Variants in R3HDM2 observed in about 807,000 individuals in gnomAD.
R3HDM2 encodes R3H domain containing 2.
R3HDM2 carries 38 observed loss-of-function variants against 124.5 expected under a neutral mutation model. The observed-to-expected ratio is 0.31, with a 90% CI of 0.24 to 0.40. R3HDM2 has a LOEUF of 0.40. Ranked by LOEUF, R3HDM2 falls within the 10% of genes least tolerant of loss-of-function variation. The probability of loss-of-function intolerance (pLI) is 1.00; values close to 1 mark genes in which losing one functional copy is unlikely to be tolerated. For synonymous variants in R3HDM2, 391 were observed against 448.0 expected, an observed-to-expected ratio of 0.87 and a Z score of 1.61; for missense variants, 869 against 1,236.9, an observed-to-expected ratio of 0.70 and a Z score of 4.46.
chr12:57,380,410 G>C (rs1455867506), intron 2 of R3HDM2, among the ~76,000 whole-genome samples: 2 of 152,160 alleles, frequency 1.3e-5, no homozygotes, highest in Non-Finnish European at 2.9e-5. Flanking sequence ...CTTGCAGGTA[G>C]ACAGAATGAT....
chr12:57,305,046 G>T (rs763094534), intron 3 of R3HDM2, among the ~76,000 whole-genome samples: 2 of 152,098 alleles, frequency 1.3e-5, no homozygotes, highest in African/African-American at 4.8e-5. Context: ...TTAGCCAGGC[G>T]TGGTGGTGGG....
chr12:57,255,913 C>A (rs2038837779), intron 23 of R3HDM2, 77 bp downstream of exon 23: 19 of 1,324,670 alleles, frequency 1.4e-5, no homozygotes, highest in South Asian at 1.4e-5. Context: ...CTGGCTTTTC[C>A]CACCCATGCT....
chr12:57,407,701 A>G (rs1284651730), intron 1 of R3HDM2, among the ~76,000 whole-genome samples: 2 of 151,938 alleles, frequency 1.3e-5, no homozygotes, highest in Non-Finnish European at 2.9e-5. Context: ...CACCACACCC[A>G]GCCTGGAATT....
intron 1 of R3HDM2, among the ~76,000 whole-genome samples, chr12:57,403,275 C>T (rs1056748718): frequency 5.9e-5 from 9 of 151,978 alleles, no homozygotes; most frequent in Non-Finnish European, 1.2e-4. Flanking sequence ...AGGTGGATCA[C>T]GAAGTCAAGA....
chr12:57,420,830 C>T (rs1467969380), intron 1 of R3HDM2, among the ~76,000 whole-genome samples: 2 of 152,102 alleles, frequency 1.3e-5, no homozygotes, highest in Non-Finnish European at 1.5e-5. Context: ...AACGTATATA[C>T]TACTATACTG....
intron 5 of R3HDM2, 137 bp from the exon 6 acceptor site, chr12:57,299,615 T>G: frequency 1.0e-6 from 1 of 956,774 alleles, no homozygotes; most frequent in Non-Finnish European, 1.5e-6. Context: ...ATTAAACTGT[T>G]TTAGTTTTCT....
chr12:57,404,311 G>A (rs1279794548), intron 1 of R3HDM2, among the ~76,000 whole-genome samples: 8 of 150,552 alleles, frequency 5.3e-5, no homozygotes, highest in African/African-American at 9.7e-5. Context: ...TGATCCACCC[G>A]CCTCAGCCTC....
chr12:57,380,574 C>G (rs546256047), intron 2 of R3HDM2, among the ~76,000 whole-genome samples: 1 of 152,280 alleles, frequency 6.6e-6, no homozygotes, highest in Non-Finnish European at 1.5e-5. Flanking sequence ...AGATTGCATC[C>G]TCCATACTGG....
At chr12:57,427,166 C>G (rs948783620) in intron 1 of R3HDM2, among the ~76,000 whole-genome samples, 2 of 151,774 alleles carry the variant, frequency 1.3e-5, no homozygotes, top group Non-Finnish European at 2.9e-5. Flanking sequence ...TGGCGCGTGC[C>G]TGTAATCCTA....
chr12:57,318,906 T>C (rs1008538661), intron 2 of R3HDM2, among the ~76,000 whole-genome samples: 1 of 152,202 alleles, frequency 6.6e-6, no homozygotes, highest in Non-Finnish European at 1.5e-5. Context: ...AACTGGCATA[T>C]GGCAGAGCCA....
intron 4 of R3HDM2, among the ~76,000 whole-genome samples, chr12:57,302,146 T>C (rs2051331283): frequency 6.6e-6 from 1 of 151,938 alleles, no homozygotes; most frequent in Non-Finnish European, 1.5e-5. Flanking sequence ...CCTGGCCTAG[T>C]GGTGTGTGCC....
In R3HDM2 at chr12:57,426,874, G is replaced by A. The variant is rs576837222; in HGVS notation, c.-106+3846C>T. Among the ~76,000 whole-genome samples, 21 of 152,214 alleles carry A rather than the reference G, an allele frequency of 1.4e-4. No homozygotes were observed. In the South Asian group the frequency reaches 3.9e-3, roughly 29 times the overall value. ...CACCCTTCCAAGGACAACTAATCAC[G>A]ATGAAAAATTCATGGAAAGAGTTCA... On this transcript the variant is annotated intron_variant, in intron 1 of 23. Transcript: ENST00000402412.
At chr12:57,424,596 G>A (rs188621666) in intron 1 of R3HDM2, among the ~76,000 whole-genome samples, 1 of 152,094 alleles carries the variant, frequency 6.6e-6, no homozygotes, top group African/African-American at 2.4e-5. Context: ...AGGATTTCTT[G>A]ATGCCCATAC....
intron 2 of R3HDM2, among the ~76,000 whole-genome samples, chr12:57,366,616 C>A (rs1273294782): frequency 1.3e-5 from 2 of 152,128 alleles, no homozygotes; most frequent in African/African-American, 2.4e-5. Context: ...TGACCAGATG[C>A]CAAATGTAAA....
chr12:57,284,257 C>T (rs1330352132), intron 12 of R3HDM2, among the ~76,000 whole-genome samples: 1 of 152,262 alleles, frequency 6.6e-6, no homozygotes, highest in African/African-American at 2.4e-5. Flanking sequence ...TAACAAAGAA[C>T]ACAGAGGCAA....
intron 2 of R3HDM2, among the ~76,000 whole-genome samples, chr12:57,318,061 G>A (rs749427760): frequency 2.6e-5 from 4 of 151,092 alleles, no homozygotes; most frequent in Non-Finnish European, 4.4e-5. Flanking sequence ...AGGCTGAAGC[G>A]GGTGGATTAC....
At chr12:57,266,627 C>A in intron 19 of R3HDM2, 104 bp downstream of exon 19, 1 of 874,134 alleles carries the variant, frequency 1.1e-6, no homozygotes, top group Non-Finnish European at 1.9e-6. Context: ...GGGGACAGAC[C>A]CAATACCTGA....
chr12:57,266,691 CTT>C, intron 19 of R3HDM2, 38 bp downstream of exon 19: 2 of 1,487,796 alleles, frequency 1.3e-6, no homozygotes, highest in South Asian at 1.2e-5. Flanking sequence ...AATGTTTGCT[CTT>C]GTCAGTGCCC....
chr12:57,276,626 G>A (rs1362729042), intron 14 of R3HDM2, among the ~76,000 whole-genome samples: 2 of 152,200 alleles, frequency 1.3e-5, no homozygotes, highest in Admixed American at 6.5e-5. Context: ...AGCGGCTCAC[G>A]CCTGTAATCC....
Sources: gnomAD v4.1 joint callset for allele counts (sites outside exome capture counted in the v4.1 genomes callset) on GRCh38, gnomAD v4.1.1 for gene constraint, MANE v1.5 for transcripts, NCBI Gene and HGNC (gene_info 2026-07-23, HGNC 2026-07-21) for gene names.